CDYL2: variants seen among roughly 807,000 people sequenced by gnomAD.
The protein encoded by CDYL2 is chromodomain Y like 2.
Under a neutral mutation model 49.4 loss-of-function variants are expected in CDYL2, and 23 were observed. That is an observed-to-expected ratio of 0.47 (90% CI 0.34 to 0.66). CDYL2 has a LOEUF of 0.66. Among genes scored for constraint, CDYL2 ranks in the 30% least tolerant of loss-of-function variants. The pLI, the probability that CDYL2 is intolerant of heterozygous loss-of-function variation, is 0.01. For synonymous variants in CDYL2, 360 were observed against 268.8 expected (o/e 1.34, Z -3.32); for missense variants, 678 against 656.4 (o/e 1.03, Z -0.36).
chr16:80,708,022 C>T (rs904652779), intron 1 of CDYL2, among the ~76,000 whole-genome samples: 5 of 152,194 alleles, frequency 3.3e-5, no homozygotes, highest in Non-Finnish European at 5.9e-5. Flanking sequence ...GAGGATCACA[C>T]TCTTTAGGGG....
intron 2 of CDYL2, among the ~76,000 whole-genome samples, chr16:80,643,387 C>T (rs1908189591): frequency 6.6e-6 from 1 of 152,160 alleles, no homozygotes; most frequent in Non-Finnish European, 1.5e-5. Context: ...TTCCAGGTGC[C>T]CAGCACAAGC....
intron 1 of CDYL2, among the ~76,000 whole-genome samples, chr16:80,788,328 G>T (rs1016210156): frequency 1.3e-5 from 2 of 152,174 alleles, no homozygotes; most frequent in Non-Finnish European, 2.9e-5. Flanking sequence ...AAGTAGTATT[G>T]ACAAACATCC....
chr16:80,638,875 G>A (rs992154999), intron 2 of CDYL2, among the ~76,000 whole-genome samples: 1 of 152,082 alleles, frequency 6.6e-6, no homozygotes. Flanking sequence ...AAATTATAAA[G>A]CTCCTAGAGG....
chr16:80,777,117 C>T (rs186391064), intron 1 of CDYL2, among the ~76,000 whole-genome samples: 140 of 152,060 alleles, frequency 9.2e-4, no homozygotes, highest in Non-Finnish European at 1.1e-3. Context: ...TCACCGTGCC[C>T]GGCATGTAAA....
intron 2 of CDYL2, among the ~76,000 whole-genome samples, chr16:80,651,668 T>A (rs1908588479): frequency 2.0e-5 from 3 of 152,206 alleles, no homozygotes; most frequent in African/African-American, 7.2e-5. Flanking sequence ...CCATCTGAAT[T>A]ATATATGTAT....
At chr16:80,782,556 C>T (rs1468011853) in intron 1 of CDYL2, among the ~76,000 whole-genome samples, 1 of 129,550 alleles carries the variant, frequency 7.7e-6, no homozygotes, top group Admixed American at 7.6e-5. Context: ...AAAAAAACTA[C>T]AGGCCAATAT....
At chr16:80,800,717 A>G (rs1481491590) in intron 1 of CDYL2, among the ~76,000 whole-genome samples, 1 of 152,156 alleles carries the variant, frequency 6.6e-6, no homozygotes, top group Non-Finnish European at 1.5e-5. Context: ...AGGACAACGA[A>G]GGTCACACAA....
chr16:80,631,462 C>A lies in CDYL2; in HGVS notation c.834+1557G>T, dbSNP rs539090531. On this transcript the variant is annotated intron_variant, in intron 3 of 6. Transcript: ENST00000570137. The stretch of plus-strand genomic sequence containing the variant: ...TTGAATGATGTTGTCAATCTCACTG[C>A]ATTAAGTATTCATTGTTTCCCTATT... 5.3e-5 allele frequency among the ~76,000 whole-genome samples: 8 copies of A among 152,294 alleles called. No individual in the cohort carries two copies. In the East Asian group the frequency reaches 1.5e-3, roughly 29 times the overall value.
At chr16:80,701,567 T>G (rs1286976714) in intron 1 of CDYL2, among the ~76,000 whole-genome samples, 6 of 152,188 alleles carry the variant, frequency 3.9e-5, no homozygotes, top group African/African-American at 1.4e-4. Flanking sequence ...AAACACCGAA[T>G]TGCAAACGTT....
chr16:80,620,832 T>C lies in CDYL2; in HGVS notation c.938A>G (p.Tyr313Cys), dbSNP rs779145359. 1.4e-5 allele frequency: 23 copies of C among 1,613,530 alleles called. No homozygotes were observed. The highest frequency in any genetic ancestry group is 1.9e-5 in the Non-Finnish European group (23 of 1,179,532). ...GGACAACCGGCCAATTAGGTAGGAA[T>C]AATCCAGGCCGCTGCAGAACACGCT... is the stretch of plus-strand genomic sequence containing the variant. ...VGSVFCSGLD[Y>C]SYLIGRLSSD... Residue 313 changes from tyrosine (Y) to cysteine (C), a missense_variant, in exon 4 of 7, where the codon TAT becomes TGT. By Grantham distance (194) the Tyr-to-Cys change is radical. Transcript: ENST00000570137.
At chr16:80,705,050 C>G (rs1904359514) in intron 1 of CDYL2, among the ~76,000 whole-genome samples, 1 of 152,292 alleles carries the variant, frequency 6.6e-6, no homozygotes, top group East Asian at 1.9e-4. Context: ...TTGACTCATC[C>G]CAACAGCTCA....
chr16:80,640,673 C>T (rs1008788157), intron 2 of CDYL2, among the ~76,000 whole-genome samples: 2 of 152,106 alleles, frequency 1.3e-5, no homozygotes, highest in Non-Finnish European at 2.9e-5. Flanking sequence ...AGTAGCTGTT[C>T]TGAGGAAACT....
chr16:80,653,572 T>C (rs1908678031), intron 2 of CDYL2, among the ~76,000 whole-genome samples: 1 of 152,204 alleles, frequency 6.6e-6, no homozygotes, highest in South Asian at 2.1e-4. Context: ...CTTTTGTGAG[T>C]ACATAATAGG....
intron 1 of CDYL2, among the ~76,000 whole-genome samples, chr16:80,721,880 C>G (rs997529408): frequency 2.6e-5 from 4 of 152,162 alleles, no homozygotes; most frequent in Non-Finnish European, 5.9e-5. Context: ...CCCAAACTCA[C>G]TGAACCTGCT....
At chr16:80,701,823 T>C (rs950267444) in intron 1 of CDYL2, among the ~76,000 whole-genome samples, 2 of 152,130 alleles carry the variant, frequency 1.3e-5, no homozygotes, top group African/African-American at 2.4e-5. Context: ...GAGAATTAAA[T>C]AAAAATAGCC....
At chr16:80,786,429 A>T (rs1184342710) in intron 1 of CDYL2, among the ~76,000 whole-genome samples, 1 of 152,250 alleles carries the variant, frequency 6.6e-6, no homozygotes, top group Non-Finnish European at 1.5e-5. Flanking sequence ...ATCTCACGCC[A>T]GTTAGAATGT....
chr16:80,728,681 T>G (rs1220300438), intron 1 of CDYL2, among the ~76,000 whole-genome samples: 1 of 152,004 alleles, frequency 6.6e-6, no homozygotes, highest in Non-Finnish European at 1.5e-5. Flanking sequence ...GAAAAAATGT[T>G]AAGGGCAGCC....
At chr16:80,786,478 G>A (rs1030304191) in intron 1 of CDYL2, among the ~76,000 whole-genome samples, 9 of 152,212 alleles carry the variant, frequency 5.9e-5, no homozygotes, top group African/African-American at 2.2e-4. Context: ...ATGCTGGAGA[G>A]GTTGTGGAAA....
chr16:80,775,897 T>C (rs1907066762), intron 1 of CDYL2, among the ~76,000 whole-genome samples: 1 of 151,622 alleles, frequency 6.6e-6, no homozygotes, highest in South Asian at 2.1e-4. Flanking sequence ...TCAACTTTTG[T>C]GCTGTCCAGA....
Sources: allele counts gnomAD v4.1 joint callset (sites outside exome capture counted in the v4.1 genomes callset), GRCh38; gene constraint gnomAD v4.1.1; transcripts MANE v1.5; gene names NCBI Gene and HGNC (gene_info 2026-07-23, HGNC 2026-07-21).